The following SOCS2 variants were observed in gnomAD, a reference collection of about 807,000 sequenced individuals.
The protein encoded by SOCS2 is suppressor of cytokine signaling 2.
A neutral mutation model predicts 18.6 loss-of-function variants in SOCS2; 10 were observed. The ratio of observed to expected loss-of-function variants is 0.54; its 90% CI spans 0.33 to 0.91. The LOEUF (loss-of-function observed/expected upper bound fraction) is 0.91, where lower values mean the gene tolerates loss of function less well. SOCS2 is among the 40% of genes least tolerant of loss of function. The pLI is 0.02. For missense variants in SOCS2, 231 were observed against 247.2 expected (o/e 0.93, Z 0.44); for synonymous variants, 104 against 104.0 (o/e 1.00, Z 0.00).
the SOCS2 span, among the ~76,000 whole-genome samples, chr12:93,621,902 G>C: frequency 6.6e-6 from 1 of 152,208 alleles, no homozygotes; most frequent in Admixed American, 6.5e-5. Flanking sequence ...CACCAAAGTG[G>C]TGAAGCGAGC....
intron 1 of SOCS2, 29 bp downstream of exon 1, chr12:93,573,065 C>A: frequency 1.3e-6 from 2 of 1,549,034 alleles, no homozygotes; most frequent in South Asian, 2.4e-5. Context: ...GCGACGCGTG[C>A]GGGAGGGAGC....
upstream of SOCS2, chr12:93,570,291 G>C (rs1483702196): frequency 6.6e-6 from 1 of 152,270 alleles, no homozygotes; most frequent in Non-Finnish European, 1.5e-5. Context: ...AGGAAGGGAG[G>C]AGCCGGGTGG....
At chr12:93,583,094 A>G (rs1161591539) in exon 2 of SOCS2, 2 of 144,780 alleles carry the variant, frequency 1.4e-5, no homozygotes, top group South Asian at 2.1e-4. Context: ...ACATTACCCT[A>G]TGATCGAAGA....
chr12:93,581,828 A>G (rs1954544759), intron 1 of SOCS2, among the ~76,000 whole-genome samples: 1 of 152,184 alleles, frequency 6.6e-6, no homozygotes, highest in Non-Finnish European at 1.5e-5. Context: ...GATGGGGACT[A>G]ACATTTATTA....
downstream of SOCS2, among the ~76,000 whole-genome samples, chr12:93,584,805 TAGGCTG>T (rs1954574151): frequency 6.6e-6 from 1 of 151,962 alleles, no homozygotes; most frequent in Admixed American, 6.6e-5. Flanking sequence ...TTTTGTTGCC[TAGGCTG>T]GAGTGCAATG....
the SOCS2 span, among the ~76,000 whole-genome samples, chr12:93,615,243 T>C: frequency 0.05 from 7,577 of 152,296 alleles, 414 homozygotes; most frequent in African/African-American, 0.14. Flanking sequence ...CAAGGACTTT[T>C]TTTGGTTCAT....
At chr12:93,583,944 T>G (rs1431729366), downstream of SOCS2, among the ~76,000 whole-genome samples, 1 of 152,206 alleles carries the variant, frequency 6.6e-6, no homozygotes, top group African/African-American at 2.4e-5. Flanking sequence ...TCACAACAAT[T>G]TCTCTTAAAG....
chr12:93,569,981 G>C (rs1269641130), upstream of SOCS2: 1 of 152,244 alleles, frequency 6.6e-6, no homozygotes, highest in Non-Finnish European at 1.5e-5. Flanking sequence ...ATTTCAAGTA[G>C]GTCATATTTC....
At chr12:93,602,463 A>G in the SOCS2 span, among the ~76,000 whole-genome samples, 1 of 152,176 alleles carries the variant, frequency 6.6e-6, no homozygotes, top group Non-Finnish European at 1.5e-5. Flanking sequence ...TGTATGTATA[A>G]AGTCATGTGA....
At chr12:93,615,777 G>A in the SOCS2 span, among the ~76,000 whole-genome samples, 1 of 152,128 alleles carries the variant, frequency 6.6e-6, no homozygotes, top group East Asian at 1.9e-4. Flanking sequence ...TGTATTTTTA[G>A]TAGAGACAGG....
chr12:93,595,591 C>T, the SOCS2 span, among the ~76,000 whole-genome samples: 1 of 152,208 alleles, frequency 6.6e-6, no homozygotes, highest in Non-Finnish European at 1.5e-5. Flanking sequence ...AATCTGCTTT[C>T]ATTCGTGTTA....
chr12:93,609,761 A>ATG, the SOCS2 span, among the ~76,000 whole-genome samples: 3 of 152,342 alleles, frequency 2.0e-5, no homozygotes, highest in South Asian at 6.2e-4. Context: ...ATCTTCAAAC[A>ATG]TGTTGCCTAC....
intron 1 of SOCS2, chr12:93,573,379 G>C: frequency 4.1e-6 from 2 of 489,474 alleles, no homozygotes; most frequent in Non-Finnish European, 7.1e-6. Flanking sequence ...CCCTTTGCAC[G>C]GGGTGCAATC....
chr12:93,614,424 T>TCTTC, the SOCS2 span, among the ~76,000 whole-genome samples: 6 of 100,760 alleles, frequency 6.0e-5, no homozygotes, highest in Admixed American at 1.0e-4. Flanking sequence ...TTTCTTCCTT[T>TCTTC]CTTTCCCTTC....
chr12:93,580,997 T>A (rs1399777178), downstream of SOCS2, among the ~76,000 whole-genome samples: 5 of 152,216 alleles, frequency 3.3e-5, no homozygotes, highest in Non-Finnish European at 5.9e-5. Flanking sequence ...CAGCTGCTTC[T>A]CTGTTCTCTC....
chr12:93,611,233 A>AT, the SOCS2 span, among the ~76,000 whole-genome samples: 3,592 of 151,430 alleles, frequency 0.024, 144 homozygotes, highest in African/African-American at 0.082. Flanking sequence ...TCAAAAAATG[A>AT]TTTTTTTTTC....
At chr12:93,613,635 A>G in the SOCS2 span, among the ~76,000 whole-genome samples, 4 of 152,244 alleles carry the variant, frequency 2.6e-5, no homozygotes, top group African/African-American at 7.2e-5. Flanking sequence ...GTGACACTCT[A>G]AAGAGAAATT....
At chr12:93,572,040 C>A (rs1313594330), upstream of SOCS2, 2 of 204,108 alleles carry the variant, frequency 9.8e-6, no homozygotes, top group African/African-American at 4.8e-5. This position sits in a 1 kb window ranked among gnomAD's most constrained non-coding sequence, Gnocchi z 5.0. Context: ...GCGCCCGCGG[C>A]GGCGAGAACC....
the SOCS2 span, among the ~76,000 whole-genome samples, chr12:93,600,671 G>T: frequency 6.7e-6 from 1 of 148,376 alleles, no homozygotes; most frequent in Admixed American, 6.7e-5. Flanking sequence ...ACTTCATAAT[G>T]ATCTTGTATT....
Sources: allele counts gnomAD v4.1 joint callset (sites outside exome capture counted in the v4.1 genomes callset), GRCh38; gene constraint gnomAD v4.1.1; non-coding constraint Gnocchi (gnomAD v3.1); transcripts MANE v1.5; gene names NCBI Gene and HGNC (gene_info 2026-07-23, HGNC 2026-07-21).